INO80: variants seen among roughly 807,000 people sequenced by gnomAD.
INO80 encodes the protein INO80 complex ATPase subunit, also known as chromatin-remodeling ATPase INO80.
In INO80, 20 loss-of-function variants were observed where a neutral mutation model predicts 203.4. The ratio of observed to expected loss-of-function variants is 0.10; its 90% CI spans 0.07 to 0.14. INO80 has a LOEUF of 0.14. Among genes scored for constraint, INO80 ranks in the 10% least tolerant of loss-of-function variants. The probability of loss-of-function intolerance (pLI) is 1.00; values close to 1 mark genes in which losing one functional copy is unlikely to be tolerated. For missense variants in INO80, 1,419 were observed against 1,914.4 expected (o/e 0.74, Z 4.83); for synonymous variants, 726 against 685.2 (o/e 1.06, Z -0.93).
At chr15:41,049,056 T>C (rs1261974596) in intron 21 of INO80, among the ~76,000 whole-genome samples, 1 of 152,212 alleles carries the variant, frequency 6.6e-6, no homozygotes, top group Non-Finnish European at 1.5e-5. Context: ...TTGGTGCACA[T>C]TCCTGATTCA....
At chr15:41,024,264 T>G (rs899674743) in intron 25 of INO80, among the ~76,000 whole-genome samples, 1 of 152,116 alleles carries the variant, frequency 6.6e-6, no homozygotes, top group South Asian at 2.1e-4. Flanking sequence ...TACAATGTCA[T>G]GTTGTAAGTA....
chr15:41,039,803 C>T lies in INO80; in HGVS notation c.2907+5101G>A, dbSNP rs192591000. 2.7e-3 allele frequency among the ~76,000 whole-genome samples: 411 copies of T among 152,338 alleles called. 3 individuals carry two copies. Among genetic ancestry groups the T allele is most frequent in the South Asian group, 0.013 (62 of 4,830 alleles). Reference sequence around the variant, plus strand: ...ACAGGAATATCTTCTGTAGTAAACACTGAGTCTCCACTCTACCACCATTCC... The same window carrying T: ...ACAGGAATATCTTCTGTAGTAAACATTGAGTCTCCACTCTACCACCATTCC... On this transcript the variant is annotated intron_variant, in intron 24 of 35. Coordinates refer to ENST00000648947, the MANE Select transcript of INO80 (RefSeq NM_017553.3).
At chr15:40,986,705 A>T (rs1386366979) in intron 31 of INO80, among the ~76,000 whole-genome samples, 1 of 152,036 alleles carries the variant, frequency 6.6e-6, no homozygotes, top group Non-Finnish European at 1.5e-5. Context: ...GGCTCACTGC[A>T]ATCTCCACCT....
intron 24 of INO80, among the ~76,000 whole-genome samples, chr15:41,036,991 T>C (rs181016916): frequency 6.6e-6 from 1 of 152,142 alleles, no homozygotes; most frequent in African/African-American, 2.4e-5. Flanking sequence ...TAATCCCAGC[T>C]ACTTGGGAGG....
intron 14 of INO80, among the ~76,000 whole-genome samples, chr15:41,064,213 G>A (rs2045168800): frequency 6.6e-6 from 1 of 152,022 alleles, no homozygotes; most frequent in South Asian, 2.1e-4. Flanking sequence ...AATACACAAA[G>A]GACATATAAA....
At chr15:41,058,364 T>C (rs1244169881) in intron 16 of INO80, among the ~76,000 whole-genome samples, 1 of 152,130 alleles carries the variant, frequency 6.6e-6, no homozygotes, top group Non-Finnish European at 1.5e-5. Context: ...TCACGTCATA[T>C]TTAAAACCTC....
chr15:41,104,843 T>A (rs1051164613), intron 1 of INO80, among the ~76,000 whole-genome samples: 2 of 152,124 alleles, frequency 1.3e-5, no homozygotes, highest in Non-Finnish European at 2.9e-5. Context: ...CCCGGCCAAC[T>A]TATCAGTATT....
At chr15:41,092,497 C>G (rs1337011351) in intron 4 of INO80, among the ~76,000 whole-genome samples, 2 of 151,616 alleles carry the variant, frequency 1.3e-5, no homozygotes, top group Non-Finnish European at 2.9e-5. Flanking sequence ...ACATGCCAAA[C>G]AGGAAGGCAA....
At chr15:41,009,494 G>C (rs2044102248) in intron 27 of INO80, among the ~76,000 whole-genome samples, 1 of 148,564 alleles carries the variant, frequency 6.7e-6, no homozygotes, top group African/African-American at 2.5e-5. Flanking sequence ...TTGGTTTTTT[G>C]TTCTTGCGAT....
rs538601631 is a variant in INO80, at chr15:40,980,440, C to G, written c.4454G>C (p.Gly1485Ala). Reference protein sequence around the residue: ...YAAYGYNVSKGISASSPLQTS... With the variant: ...YAAYGYNVSKAISASSPLQTS... ...CTGCAGAGGACTGCTGGCGGAGATTCCTGTGGGGACGGAGAGAGACAAGAA... is the reference window on the plus strand; with the variant it reads ...CTGCAGAGGACTGCTGGCGGAGATTGCTGTGGGGACGGAGAGAGACAAGAA... The change falls in exon 36 of 36, where the codon GGA (glycine) becomes GCA (alanine). Residue 1485 changes from glycine to alanine, a missense_variant and splice_region_variant. Physicochemically the swap from Gly to Ala is moderately conservative, Grantham distance 60. Around this residue, in one of 9 missense-constraint regions of INO80, gnomAD observed 112 missense variants for 106.2 expected, o/e 1.05. Transcript: ENST00000648947. 13 of 1,611,214 alleles carry G rather than the reference C, an allele frequency of 8.1e-6. No homozygotes were observed. The South Asian group carries it at 1.3e-4, about 16-fold the overall frequency.
At chr15:41,071,361 C>T (rs1423159836) in intron 12 of INO80, among the ~76,000 whole-genome samples, 2 of 151,608 alleles carry the variant, frequency 1.3e-5, no homozygotes, top group Non-Finnish European at 2.9e-5. Flanking sequence ...TCGTCATTTA[C>T]ATTAGGTATT....
At chr15:41,075,533 C>A (rs951507974) in intron 9 of INO80, among the ~76,000 whole-genome samples, 8 of 152,290 alleles carry the variant, frequency 5.3e-5, no homozygotes, top group African/African-American at 1.9e-4. Flanking sequence ...TGGCTAACTG[C>A]AAGCACTGCC....
intron 1 of INO80, 63 bp downstream of exon 1, chr15:41,115,910 A>T (rs1432800384): frequency 1.6e-5 from 6 of 376,702 alleles, no homozygotes; most frequent in Non-Finnish European, 2.8e-5. Context: ...GCCCGCAGAG[A>T]GGGGCGCAAC....
chr15:41,110,901 A>G (rs2140714244), intron 1 of INO80, among the ~76,000 whole-genome samples: 1 of 152,310 alleles, frequency 6.6e-6, no homozygotes, highest in African/African-American at 2.4e-5. Context: ...ATAACTGGTT[A>G]TGTGAGCATA....
At chr15:41,107,983 C>A (rs1015548983) in intron 1 of INO80, among the ~76,000 whole-genome samples, 1 of 151,940 alleles carries the variant, frequency 6.6e-6, no homozygotes, top group East Asian at 1.9e-4. Context: ...GCCTGTAATC[C>A]CAGCTACTAG....
At chr15:40,994,106 T>G (rs764204480) in intron 29 of INO80, among the ~76,000 whole-genome samples, 1 of 152,212 alleles carries the variant, frequency 6.6e-6, no homozygotes, top group Non-Finnish European at 1.5e-5. Context: ...CTGTTCTACC[T>G]GCTCTGGGCT....
Position 41,108,185 on chromosome 15 carries a change from A to G in INO80, c.-44+7788T>C, listed in dbSNP as rs533850808. Among the ~76,000 whole-genome samples, 4 of 152,328 alleles carry G rather than the reference A, an allele frequency of 2.6e-5. No individual in the cohort carries two copies. The South Asian group carries it at 8.3e-4, about 32-fold the overall frequency. ...TGTCCACCATTACAGTATCAAACAG[A>G]ATACTTTTATCAAGCAGTAACTTTA... On this transcript the variant is annotated intron_variant, in intron 1 of 35. Transcript: ENST00000648947.
At chr15:41,100,325 C>T (rs915106368) in intron 1 of INO80, among the ~76,000 whole-genome samples, 1 of 152,126 alleles carries the variant, frequency 6.6e-6, no homozygotes, top group East Asian at 1.9e-4. Flanking sequence ...TCGCCCGCCT[C>T]GGCCTCCCAA....
chr15:41,030,069 T>C (rs2044436135), intron 24 of INO80, among the ~76,000 whole-genome samples: 1 of 152,232 alleles, frequency 6.6e-6, no homozygotes, highest in South Asian at 2.1e-4. Context: ...CACTAAATAA[T>C]GTCTCTATCA....
Sources: gnomAD v4.1 joint callset for allele counts (sites outside exome capture counted in the v4.1 genomes callset) on GRCh38, gnomAD v4.1.1 for gene constraint, gnomAD v4.1.1 regional missense constraint, MANE v1.5 for transcripts, NCBI Gene and HGNC (gene_info 2026-07-23, HGNC 2026-07-21) for gene names.